CCSER1: variants seen among roughly 807,000 people sequenced by gnomAD.
CCSER1 encodes the protein coiled-coil serine rich protein 1, also known as serine-rich coiled-coil domain-containing protein 1.
CCSER1 carries 41 observed loss-of-function variants against 82.0 expected under a neutral mutation model. The ratio of observed to expected loss-of-function variants is 0.50; its 90% CI spans 0.39 to 0.65. The LOEUF is 0.65. Ranked by LOEUF, CCSER1 falls within the 30% of genes least tolerant of loss-of-function variation. The probability of loss-of-function intolerance (pLI) is 0.00; values close to 1 mark genes in which losing one functional copy is unlikely to be tolerated. For synonymous variants in CCSER1, 414 were observed against 383.9 expected (o/e 1.08, Z -0.92); for missense variants, 1,119 against 1,064.2 (o/e 1.05, Z -0.72).
intron 1 of CCSER1, among the ~76,000 whole-genome samples, chr4:90,150,754 C>T (rs905906708): frequency 2.0e-5 from 3 of 151,970 alleles, no homozygotes; most frequent in African/African-American, 7.2e-5. Context: ...TGTAAATATC[C>T]ATATAGAAAA....
At chr4:91,130,006 G>A (rs1177468900) in intron 10 of CCSER1, 1 of 151,780 alleles carries the variant, frequency 6.6e-6, no homozygotes, top group Admixed American at 6.6e-5. Flanking sequence ...AAAGGCTGTG[G>A]ATCACATAAA....
intron 10 of CCSER1, among the ~76,000 whole-genome samples, chr4:91,146,310 T>G (rs920473985): frequency 1.3e-5 from 2 of 152,194 alleles, no homozygotes; most frequent in African/African-American, 4.8e-5. Context: ...ATATTGGCTT[T>G]CCAGTCTGGA....
At chr4:90,541,543 A>T (rs564992467) in intron 5 of CCSER1, among the ~76,000 whole-genome samples, 1 of 152,252 alleles carries the variant, frequency 6.6e-6, no homozygotes, top group Non-Finnish European at 1.5e-5. Context: ...TAGCAAAGGA[A>T]TTAAATCCAG....
chr4:90,345,574 A>G (rs540928030), intron 3 of CCSER1, among the ~76,000 whole-genome samples: 65 of 152,238 alleles, frequency 4.3e-4, no homozygotes, highest in African/African-American at 9.1e-4. Flanking sequence ...AATAGTTTGT[A>G]GTACAGAGAA....
intron 9 of CCSER1, among the ~76,000 whole-genome samples, chr4:90,989,159 A>C (rs1284291407): frequency 6.6e-6 from 1 of 151,832 alleles, no homozygotes; most frequent in African/African-American, 2.4e-5. Context: ...CTTTACAGCC[A>C]AGAGACATTT....
At position 91,143,228 on chromosome 4, in the gene CCSER1, T is replaced by G. The variant is rs532538227; in HGVS notation, c.2217+57234T>G. Among the ~76,000 whole-genome samples, 106 of 151,838 alleles carry G rather than the reference T, an allele frequency of 7.0e-4. 1 individual carries two copies. The highest frequency in any genetic ancestry group is 1.2e-3 in the Non-Finnish European group (79 of 67,928). ...GTTAGATGTGTTTCTAGGTATTTTT[T>G]TGTGTGTGCGGCTATTGTGAATTTG... is the stretch of plus-strand genomic sequence containing the variant. On this transcript the variant is annotated intron_variant, in intron 10 of 10. Transcript: ENST00000509176.
intron 10 of CCSER1, among the ~76,000 whole-genome samples, chr4:91,547,663 A>G (rs887923090): frequency 6.6e-6 from 1 of 152,164 alleles, no homozygotes; most frequent in African/African-American, 2.4e-5. Context: ...TATTTCTACG[A>G]TTGAATTTTA....
chr4:91,480,827 A>C (rs1216059244), intron 10 of CCSER1, among the ~76,000 whole-genome samples: 1 of 152,182 alleles, frequency 6.6e-6, no homozygotes, highest in African/African-American at 2.4e-5. Flanking sequence ...AGAAACTGTT[A>C]ATATGTAACA....
chr4:90,494,171 C>A (rs1486645165), intron 5 of CCSER1, among the ~76,000 whole-genome samples: 1 of 152,112 alleles, frequency 6.6e-6, no homozygotes, highest in Admixed American at 6.5e-5. Flanking sequence ...ACAAAGAAGG[C>A]CATTACATAA....
chr4:91,141,823 C>T (rs1301599982), intron 10 of CCSER1, among the ~76,000 whole-genome samples: 1 of 152,104 alleles, frequency 6.6e-6, no homozygotes, highest in East Asian at 1.9e-4. Flanking sequence ...GCCATTCTGA[C>T]TCAGATGGTA....
At chr4:91,380,368 T>A (rs1297881098) in intron 10 of CCSER1, among the ~76,000 whole-genome samples, 4 of 152,146 alleles carry the variant, frequency 2.6e-5, no homozygotes, top group Admixed American at 6.5e-5. Flanking sequence ...CCCATTATTA[T>A]TGTGTGGGAG....
At chr4:91,045,797 C>G (rs1320529599) in intron 9 of CCSER1, among the ~76,000 whole-genome samples, 1 of 151,932 alleles carries the variant, frequency 6.6e-6, no homozygotes. Context: ...TTTTCACATG[C>G]ATCCGTGTGA....
intron 10 of CCSER1, among the ~76,000 whole-genome samples, chr4:91,380,444 A>C (rs982520305): frequency 7.9e-5 from 12 of 152,302 alleles, no homozygotes; most frequent in African/African-American, 2.6e-4. Flanking sequence ...TATTGGGTGC[A>C]TATATATTTA....
intron 10 of CCSER1, among the ~76,000 whole-genome samples, chr4:91,419,699 A>T (rs1753585155): frequency 6.6e-6 from 1 of 152,048 alleles, no homozygotes; most frequent in Non-Finnish European, 1.5e-5. Context: ...TAATAGAAAA[A>T]AATCTAAAAT....
chr4:91,004,569 ATGT>A (rs1049963492), intron 9 of CCSER1, among the ~76,000 whole-genome samples: 8 of 152,214 alleles, frequency 5.3e-5, no homozygotes, highest in African/African-American at 1.4e-4. Flanking sequence ...ATGAAAAATA[ATGT>A]TGTACGAAAC....
intron 5 of CCSER1, among the ~76,000 whole-genome samples, chr4:90,500,997 A>G (rs1325474418): frequency 6.6e-6 from 1 of 152,124 alleles, no homozygotes; most frequent in Non-Finnish European, 1.5e-5. Context: ...TATTCTATAT[A>G]AAGAATATAT....
intron 1 of CCSER1, among the ~76,000 whole-genome samples, chr4:90,146,189 G>C (rs144008551): frequency 2.0e-3 from 297 of 152,120 alleles, no homozygotes; most frequent in African/African-American, 6.9e-3. Context: ...TAATATTCTT[G>C]TATTTCTAGT....
intron 10 of CCSER1, among the ~76,000 whole-genome samples, chr4:91,103,604 A>G (rs946205517): frequency 5.9e-5 from 9 of 152,138 alleles, no homozygotes; most frequent in African/African-American, 2.2e-4. Context: ...AATTTCATGG[A>G]CGTTTATCAG....
intron 10 of CCSER1, among the ~76,000 whole-genome samples, chr4:91,381,285 T>C (rs1195421182): frequency 6.6e-6 from 1 of 152,176 alleles, no homozygotes; most frequent in Non-Finnish European, 1.5e-5. Flanking sequence ...TGAATCTGAA[T>C]GTTGGCCTGC....
Sources: gnomAD v4.1 joint callset for allele counts (sites outside exome capture counted in the v4.1 genomes callset) on GRCh38, gnomAD v4.1.1 for gene constraint, MANE v1.5 for transcripts, NCBI Gene and HGNC (gene_info 2026-07-23, HGNC 2026-07-21) for gene names.